Variants in EDA observed in about 807,000 individuals in gnomAD.
EDA encodes the protein ectodysplasin-A.
A neutral mutation model predicts 23.6 loss-of-function variants in EDA; 2 were observed. The observed-to-expected ratio is 0.08, with a 90% CI of 0.03 to 0.27. The LOEUF is 0.27. Ranked by LOEUF, EDA falls within the 10% of genes least tolerant of loss-of-function variation. EDA has a pLI of 1.00. For synonymous variants in EDA, 131 were observed against 132.0 expected, an observed-to-expected ratio of 0.99 and a Z score of 0.05; for missense variants, 229 against 324.2, an observed-to-expected ratio of 0.71 and a Z score of 2.26.
chrX:70,029,584 G>A lies in EDA; in HGVS notation c.741+46G>A. On this transcript the variant is annotated intron_variant, in intron 5 of 7. Coordinates refer to ENST00000374552, the MANE Select transcript of EDA (RefSeq NM_001399.5). ...TTCCTGGGTAGGAGGGAAAGCCACA[G>A]GCTAGAGCCACCTTTAAATTAGCTT... The A allele has an allele frequency of 4.3e-6, 5 of 1,159,917 alleles. No homozygotes were observed. The South Asian group carries it at 5.4e-5, about 13-fold the overall frequency.
chrX:69,667,119 C>CTTTT (rs35090201), intron 1 of EDA, among the ~76,000 whole-genome samples: 1 of 86,419 alleles, frequency 1.2e-5, no homozygotes, highest in Non-Finnish European at 2.1e-5. Context: ...TTTTCTTTTT[C>CTTTT]TTTTTTTTTT....
At chrX:69,977,578 A>G (rs1387085613) in intron 2 of EDA, among the ~76,000 whole-genome samples, 1 of 112,608 alleles carries the variant, frequency 8.9e-6, no homozygotes, top group Non-Finnish European at 1.9e-5. Context: ...AAGTTCACAT[A>G]ACAGTAAACT....
intron 1 of EDA, among the ~76,000 whole-genome samples, chrX:69,658,797 A>G (rs189951919): frequency 8.9e-6 from 1 of 111,836 alleles, no homozygotes; most frequent in East Asian, 2.8e-4. Context: ...TCTAGTATCT[A>G]GTTTACCTCT....
At chrX:69,860,643 C>G (rs781749742) in intron 1 of EDA, among the ~76,000 whole-genome samples, 6 of 110,877 alleles carry the variant, frequency 5.4e-5, no homozygotes, top group Non-Finnish European at 1.1e-4. Context: ...GACCTTCTCT[C>G]TAGCTGCATT....
chrX:69,622,236 A>G (rs187905577), intron 1 of EDA, among the ~76,000 whole-genome samples: 1 of 112,073 alleles, frequency 8.9e-6, no homozygotes, highest in Non-Finnish European at 1.9e-5. Flanking sequence ...GCTTGTATAG[A>G]TCAGAGTTGC....
intron 1 of EDA, among the ~76,000 whole-genome samples, chrX:69,838,861 C>T (rs1420269385): frequency 1.8e-5 from 2 of 111,917 alleles, no homozygotes; most frequent in African/African-American, 3.2e-5. Flanking sequence ...ATTATCAGAA[C>T]TCTCATTTGT....
chrX:70,038,313 G>A lies in EDA; in HGVS notation c.*2704G>A, dbSNP rs932881703. The A allele has an allele frequency of 1.8e-5, 2 of 111,259 alleles. No individual in the cohort carries two copies. The highest frequency in any genetic ancestry group is 6.5e-5 in the African/African-American group (2 of 30,587). The allele number at this position is 111,259 out of a possible 1,213,427, so 9.2% of individuals were successfully genotyped here. A position where few individuals can be genotyped will look rare whatever the true frequency, so the allele number is the denominator to read the frequency against. ...GGAACTCTAGAGGGCGAGGGATGAT[G>A]AGGGAAGCAATAGGTAGCTGGGGAG... is the stretch of plus-strand genomic sequence containing the variant. On this transcript the variant is annotated 3_prime_UTR_variant, in exon 8 of 8. Transcript: ENST00000374552.
At chrX:69,751,134 C>A (rs1310264815) in intron 1 of EDA, among the ~76,000 whole-genome samples, 1 of 109,347 alleles carries the variant, frequency 9.1e-6, no homozygotes, top group African/African-American at 3.3e-5. Context: ...CCTAGGTTTT[C>A]TTCTAGGGGT....
At chrX:69,679,959 G>A (rs1308494264) in intron 1 of EDA, among the ~76,000 whole-genome samples, 1 of 106,701 alleles carries the variant, frequency 9.4e-6, no homozygotes, top group Non-Finnish European at 1.9e-5. Context: ...TGGGCATTTA[G>A]TGCTATAAAT....
chrX:69,626,895 A>G (rs1932403772), intron 1 of EDA, among the ~76,000 whole-genome samples: 1 of 111,524 alleles, frequency 9.0e-6, no homozygotes, highest in African/African-American at 3.3e-5. Flanking sequence ...TGGCACATAG[A>G]AGATGGTGAA....
At chrX:70,010,471 C>A (rs1283543293) in intron 2 of EDA, among the ~76,000 whole-genome samples, 1 of 111,737 alleles carries the variant, frequency 8.9e-6, no homozygotes, top group African/African-American at 3.3e-5. Context: ...TTTCTCCATC[C>A]CTATACTTTA....
intron 1 of EDA, among the ~76,000 whole-genome samples, chrX:69,773,486 A>G (rs2014694398): frequency 8.9e-6 from 1 of 111,787 alleles, no homozygotes; most frequent in African/African-American, 3.2e-5. Flanking sequence ...AGGAACCACT[A>G]TTCTGTTTTC....
rs766056822 is a variant in EDA, at chrX:70,038,033, A to G, written c.*2424A>G. On this transcript the variant is annotated 3_prime_UTR_variant, in exon 8 of 8. Transcript: ENST00000374552. The stretch of plus-strand genomic sequence containing the variant: ...AGGAGCCAGCCTGCTTCCCACAACT[A>G]CTAGTGTGACTCCTTATCTCTTTCC... 1 of 111,089 alleles carries G rather than the reference A, an allele frequency of 9.0e-6. No homozygotes were observed. The highest frequency in any genetic ancestry group is 9.5e-5 in the Admixed American group (1 of 10,478). The allele number at this position is 111,089 out of a possible 1,213,427, so 9.2% of individuals were successfully genotyped here.
At chrX:69,878,874 A>G (rs1030783478) in intron 1 of EDA, among the ~76,000 whole-genome samples, 9 of 110,932 alleles carry the variant, frequency 8.1e-5, no homozygotes, top group Non-Finnish European at 1.5e-4. Flanking sequence ...CGTCGGCAAC[A>G]GAGAAAAACA....
chrX:69,641,031 C>T, intron 1 of EDA, among the ~76,000 whole-genome samples: 1 of 111,602 alleles, frequency 9.0e-6, no homozygotes, highest in Non-Finnish European at 1.9e-5. Context: ...CCTGAAACAA[C>T]ATGGATTTTA....
chrX:69,678,742 T>C (rs1298601967), intron 1 of EDA, among the ~76,000 whole-genome samples: 1 of 100,443 alleles, frequency 1.0e-5, no homozygotes, highest in Non-Finnish European at 2.0e-5. Context: ...TGGGGTTTTC[T>C]ACATATACAA....
rs769297840 is a variant in EDA at position 69,954,862 on chromosome X, C to T, written c.397-2165C>T. On this transcript the variant is annotated intron_variant, in intron 1 of 7. Transcript: ENST00000374552. ...AATAGGCTCCAGTGTGTGTTGTCCC[C>T]ACCATGTGTCCATGTGTTCCCATCA... Among the ~76,000 whole-genome samples, 3 of 111,904 alleles carry T rather than the reference C, an allele frequency of 2.7e-5. No individual in the cohort carries two copies. In the East Asian group the frequency reaches 8.5e-4, roughly 32 times the overall value.
chrX:69,894,221 C>T (rs1391474022), intron 1 of EDA, among the ~76,000 whole-genome samples: 1 of 110,738 alleles, frequency 9.0e-6, no homozygotes, highest in Non-Finnish European at 1.9e-5. Flanking sequence ...TTGTAGGGGA[C>T]GGCTTTATTT....
intron 1 of EDA, among the ~76,000 whole-genome samples, chrX:69,638,941 C>T (rs973618802): frequency 2.8e-5 from 3 of 108,985 alleles, no homozygotes; most frequent in African/African-American, 1.0e-4. Flanking sequence ...ACTCTCCCCT[C>T]CCCCCAGCCC....
Sources: gnomAD v4.1 joint callset for allele counts (sites outside exome capture counted in the v4.1 genomes callset) on GRCh38, gnomAD v4.1.1 for gene constraint, MANE v1.5 for transcripts, NCBI Gene and HGNC (gene_info 2026-07-23, HGNC 2026-07-21) for gene names.